The following MLIP variants were observed in gnomAD, a reference collection of about 807,000 sequenced individuals.
MLIP encodes muscular LMNA interacting protein.
In MLIP, 79 loss-of-function variants were observed where a neutral mutation model predicts 84.8. The ratio of observed to expected loss-of-function variants is 0.93; its 90% CI spans 0.78 to 1.12. The LOEUF is 1.12. MLIP is among the 50% of genes most tolerant of loss of function. MLIP has a pLI of 0.00. For synonymous variants in MLIP, 504 were observed against 463.0 expected, an observed-to-expected ratio of 1.09 and a Z score of -1.14; for missense variants, 1,257 against 1,160.6, an observed-to-expected ratio of 1.08 and a Z score of -1.21.
chr6:54,206,260 T>C (rs192634163), intron 11 of MLIP, among the ~76,000 whole-genome samples: 37 of 152,258 alleles, frequency 2.4e-4, no homozygotes, highest in African/African-American at 7.7e-4. Context: ...ACATAAAGTG[T>C]TATGTAAAAA....
intron 8 of MLIP, among the ~76,000 whole-genome samples, chr6:54,169,132 A>C (rs536046965): frequency 6.6e-6 from 1 of 151,658 alleles, no homozygotes; most frequent in Non-Finnish European, 1.5e-5. Context: ...TGGTGAAGGT[A>C]AAGTTAAGGA....
intron 11 of MLIP, among the ~76,000 whole-genome samples, chr6:54,209,502 T>C (rs997494909): frequency 2.0e-5 from 3 of 152,190 alleles, no homozygotes; most frequent in African/African-American, 7.2e-5. Flanking sequence ...AAAAAAGAAT[T>C]GTATTTTTGT....
At chr6:54,185,046 G>A (rs1777255545) in intron 9 of MLIP, among the ~76,000 whole-genome samples, 1 of 152,100 alleles carries the variant, frequency 6.6e-6, no homozygotes, top group East Asian at 1.9e-4. Context: ...GTGTTCAAAT[G>A]TAGCAACCTT....
At chr6:54,141,935 T>A (rs996998959) in intron 4 of MLIP, among the ~76,000 whole-genome samples, 2 of 152,236 alleles carry the variant, frequency 1.3e-5, no homozygotes, top group African/African-American at 4.8e-5. Context: ...AGTTGAGAGC[T>A]ATTTTATATT....
chr6:54,226,014 G>C (rs1375280242), intron 11 of MLIP, among the ~76,000 whole-genome samples: 1 of 152,176 alleles, frequency 6.6e-6, no homozygotes, highest in African/African-American at 2.4e-5. Context: ...AGAAAGCCAA[G>C]TACTGATTCC....
Position 54,217,500 on chromosome 6 carries a change from T to C in MLIP, c.2719-13214T>C, listed in dbSNP as rs185629059. On this transcript the variant is annotated intron_variant, in intron 11 of 13. Transcript: ENST00000502396. ...GTCTGTCAGTTAAGCAGAGCTAAAT[T>C]AATATATTCACTGCATATTTGTCTG... 1.3e-4 allele frequency: 128 copies of C among 985,368 alleles called. 2 individuals are homozygous for C. In the Admixed American group the frequency reaches 7.7e-3, roughly 59 times the overall value. The allele number at this position is 985,368 out of a possible 1,614,324, so 61.0% of individuals were successfully genotyped here.
chr6:54,201,945 T>C (rs760544047), intron 10 of MLIP, among the ~76,000 whole-genome samples, 160 bp from the exon 11 acceptor site: 4 of 152,234 alleles, frequency 2.6e-5, no homozygotes, highest in Non-Finnish European at 5.9e-5. Flanking sequence ...TAAAATCATT[T>C]GACTTCAGGC....
intron 1 of MLIP, among the ~76,000 whole-genome samples, chr6:54,096,503 C>G (rs1429729294): frequency 3.0e-4 from 45 of 152,010 alleles, no homozygotes; most frequent in Non-Finnish European, 8.8e-5. Context: ...AGGCTCTCCA[C>G]TGAGTGTACC....
At position 54,183,609 on chromosome 6, in the gene MLIP, A is replaced by T. The variant is rs931229369; in HGVS notation, c.2545-6261A>T. Among the ~76,000 whole-genome samples, 4 of 148,076 alleles carry T rather than the reference A, an allele frequency of 2.7e-5. No individual in the cohort carries two copies. In the Admixed American group the frequency reaches 2.8e-4, roughly 10 times the overall value. On this transcript the variant is annotated intron_variant, in intron 9 of 13. Transcript: ENST00000502396. ...CCGTCTACCAACTATGTTCATGACA[A>T]GTTAGAATCATCATTCCCTATCTTA...
chr6:54,159,761 C>G (rs1487541253), intron 5 of MLIP, among the ~76,000 whole-genome samples: 1 of 152,028 alleles, frequency 6.6e-6, no homozygotes, highest in Non-Finnish European at 1.5e-5. Context: ...GCCCAAATCT[C>G]TGGATAACTA....
rs565476120 is a variant in MLIP, at chr6:54,256,189, G to A, written c.2923-1119G>A. 7.9e-5 allele frequency among the ~76,000 whole-genome samples: 12 copies of A among 152,282 alleles called. No individual in the cohort carries two copies. In the East Asian group the frequency reaches 2.3e-3, roughly 29 times the overall value. On this transcript the variant is annotated intron_variant, in intron 12 of 13. Coordinates refer to ENST00000502396, the MANE Select transcript of MLIP (RefSeq NM_001281747.2). ...CAGAGTGTAAGGGCTTGGATTTAGT[G>A]AAGCTATAACTTTAAACAAAAACTG...
At chr6:54,111,948 G>A (rs189589156) in intron 1 of MLIP, among the ~76,000 whole-genome samples, 15 of 152,326 alleles carry the variant, frequency 9.8e-5, no homozygotes, top group East Asian at 5.8e-4. Flanking sequence ...GTTAGCCTGC[G>A]TGGCATGCGG....
intron 12 of MLIP, among the ~76,000 whole-genome samples, chr6:54,241,018 C>T (rs1044142784): frequency 1.3e-5 from 2 of 151,784 alleles, no homozygotes; most frequent in Non-Finnish European, 2.9e-5. Flanking sequence ...ATTCCTAAGC[C>T]TACTTACAAC....
At chr6:54,217,088 A>G (rs1779905305) in intron 11 of MLIP, 1 of 985,344 alleles carries the variant, frequency 1.0e-6, no homozygotes, top group Non-Finnish European at 1.2e-6. Context: ...TGCTTTACCA[A>G]AGAGGTGGGA....
intron 1 of MLIP, among the ~76,000 whole-genome samples, chr6:54,035,750 A>G (rs562484965): frequency 6.6e-6 from 1 of 152,042 alleles, no homozygotes; most frequent in East Asian, 1.9e-4. Context: ...CTTATTTGCC[A>G]TATGTATATC....
intron 5 of MLIP, among the ~76,000 whole-genome samples, chr6:54,156,611 A>G (rs1774057169): frequency 6.6e-6 from 1 of 152,148 alleles, no homozygotes; most frequent in Admixed American, 6.6e-5. Context: ...TTATTTGTCA[A>G]TTAAATTACT....
chr6:54,061,417 C>A (rs1295426705), intron 1 of MLIP, among the ~76,000 whole-genome samples: 1 of 152,132 alleles, frequency 6.6e-6, no homozygotes, highest in African/African-American at 2.4e-5. Context: ...TCAATAAATG[C>A]AAATAAAACC....
At chr6:54,027,062 AG>A (rs1763846616) in intron 1 of MLIP, among the ~76,000 whole-genome samples, 3 of 152,212 alleles carry the variant, frequency 2.0e-5, no homozygotes, top group African/African-American at 7.2e-5. Context: ...ATCTTGAAAT[AG>A]TTTCTATTTT....
At chr6:54,185,694 G>C (rs1315552277) in intron 9 of MLIP, among the ~76,000 whole-genome samples, 1 of 151,392 alleles carries the variant, frequency 6.6e-6, no homozygotes, top group African/African-American at 2.4e-5. Context: ...TTTCAGTTAT[G>C]ATGCATTTAA....
Sources: allele counts gnomAD v4.1 joint callset (sites outside exome capture counted in the v4.1 genomes callset), GRCh38; gene constraint gnomAD v4.1.1; transcripts MANE v1.5; gene names NCBI Gene and HGNC (gene_info 2026-07-23, HGNC 2026-07-21).